Variants in ZBBX observed in about 807,000 individuals in gnomAD.
ZBBX encodes zinc finger B-box domain containing, also known as zinc finger B-box domain-containing protein 1.
In ZBBX, 101 loss-of-function variants were observed where a neutral mutation model predicts 108.5. That is an observed-to-expected ratio of 0.93 (90% CI 0.79 to 1.10). The LOEUF (loss-of-function observed/expected upper bound fraction) is 1.10. Ranked by LOEUF, ZBBX falls within the 50% of genes least tolerant of loss-of-function variation. The probability of loss-of-function intolerance (pLI) is 0.00; values close to 1 mark genes in which losing one functional copy is unlikely to be tolerated. For synonymous variants in ZBBX, 356 were observed against 323.4 expected (o/e 1.10, Z -1.08); for missense variants, 1,009 against 941.4 (o/e 1.07, Z -0.94).
the ZBBX span, among the ~76,000 whole-genome samples, chr3:167,211,933 G>A: frequency 1.3e-5 from 2 of 152,054 alleles, no homozygotes; most frequent in South Asian, 2.1e-4. Context: ...TGAGCCAACC[G>A]GAGGTGGAAG....
the ZBBX span, among the ~76,000 whole-genome samples, chr3:167,233,897 G>C: frequency 6.6e-6 from 1 of 151,750 alleles, no homozygotes; most frequent in Non-Finnish European, 1.5e-5. Context: ...AGGGGGCCCA[G>C]AGACTTCCTA....
At chr3:167,395,426 A>G (rs563532830) in intron 1 of ZBBX, among the ~76,000 whole-genome samples, 145 of 152,150 alleles carry the variant, frequency 9.5e-4, no homozygotes, top group African/African-American at 3.4e-3. Flanking sequence ...GGAGTGCCAG[A>G]GTTAGAAAAG....
intron 17 of ZBBX, among the ~76,000 whole-genome samples, chr3:167,301,643 T>C (rs938567736): frequency 4.6e-5 from 7 of 152,196 alleles, no homozygotes; most frequent in Non-Finnish European, 8.8e-5. Flanking sequence ...TTCTACCTTC[T>C]ATTTTAATTT....
intron 9 of ZBBX, among the ~76,000 whole-genome samples, chr3:167,348,285 A>AGGAAGGAAGGAAGGAG (rs1741881691): frequency 7.1e-6 from 1 of 141,448 alleles, no homozygotes; most frequent in Non-Finnish European, 1.5e-5. Context: ...GAAGGAAGGA[A>AGGAAGGAAGGAAGGAG]GGAAGGAAAG....
intron 18 of ZBBX, among the ~76,000 whole-genome samples, chr3:167,292,877 G>T (rs570868306): frequency 6.6e-6 from 1 of 152,134 alleles, no homozygotes; most frequent in South Asian, 2.1e-4. Flanking sequence ...TATCACCACC[G>T]ATCCCACAGA....
the ZBBX span, among the ~76,000 whole-genome samples, chr3:167,217,088 A>C: frequency 6.6e-6 from 1 of 152,204 alleles, no homozygotes; most frequent in African/African-American, 2.4e-5. Context: ...GAAGATGCCA[A>C]AAGCAATTGC....
the ZBBX span, among the ~76,000 whole-genome samples, chr3:167,182,280 T>C: frequency 6.6e-6 from 1 of 152,136 alleles, no homozygotes; most frequent in Non-Finnish European, 1.5e-5. Context: ...CAGGCCTTGA[T>C]ATAATCAACT....
chr3:167,222,257 C>T, the ZBBX span, among the ~76,000 whole-genome samples: 1 of 150,340 alleles, frequency 6.7e-6, no homozygotes, highest in Non-Finnish European at 1.5e-5. Flanking sequence ...TCATTTACAA[C>T]AACATGGATG....
chr3:167,273,498 G>T (rs182270819), intron 20 of ZBBX, among the ~76,000 whole-genome samples: 1 of 152,126 alleles, frequency 6.6e-6, no homozygotes, highest in African/African-American at 2.4e-5. Context: ...ATTCAGCTTC[G>T]GTCTTCTGCT....
chr3:167,404,011 T>C (rs887325401), intron 1 of ZBBX, among the ~76,000 whole-genome samples: 4 of 152,090 alleles, frequency 2.6e-5, no homozygotes, highest in African/African-American at 4.8e-5. Context: ...AAAAGCAATA[T>C]TGTCAGAGGC....
At chr3:167,187,317 G>A in the ZBBX span, among the ~76,000 whole-genome samples, 5 of 152,146 alleles carry the variant, frequency 3.3e-5, no homozygotes, top group East Asian at 1.9e-4. Flanking sequence ...GTGGTTCTAC[G>A]TGAGAATTTT....
chr3:167,378,079 TAA>T (rs949111824), intron 2 of ZBBX, among the ~76,000 whole-genome samples: 4 of 152,358 alleles, frequency 2.6e-5, no homozygotes, highest in Middle Eastern at 3.4e-3. Flanking sequence ...GCCATGATTA[TAA>T]GTTTCCTGAG....
At chr3:167,404,091 A>C (rs1748507829) in intron 1 of ZBBX, among the ~76,000 whole-genome samples, 1 of 152,124 alleles carries the variant, frequency 6.6e-6, no homozygotes, top group Non-Finnish European at 1.5e-5. Context: ...CGCAACATGG[A>C]TAGGTTGAAA....
At chr3:167,251,057 CACCAGCAGACCACTG>C (rs1320803769) in intron 20 of ZBBX, among the ~76,000 whole-genome samples, 2 of 152,182 alleles carry the variant, frequency 1.3e-5, no homozygotes, top group African/African-American at 4.8e-5. Context: ...GAAACCAGCA[CACCAGCAGACCACTG>C]ACCAGCAGGC....
At chr3:167,362,797 G>A (rs1051710893) in intron 6 of ZBBX, among the ~76,000 whole-genome samples, 3 of 151,932 alleles carry the variant, frequency 2.0e-5, no homozygotes, top group African/African-American at 7.3e-5. Flanking sequence ...GAATATTATT[G>A]TGCTATCATG....
At chr3:167,261,775 C>CAA (rs60045904) in intron 20 of ZBBX, among the ~76,000 whole-genome samples, 8 of 96,246 alleles carry the variant, frequency 8.3e-5, no homozygotes, top group Non-Finnish European at 1.2e-4. Context: ...CTCCCAACTG[C>CAA]AAAAAAAAAA....
intron 1 of ZBBX, among the ~76,000 whole-genome samples, chr3:167,407,054 A>G (rs1748606748): frequency 6.6e-6 from 1 of 152,164 alleles, no homozygotes; most frequent in Admixed American, 6.6e-5. Context: ...CTTGTTTTTC[A>G]AGTGGTCACA....
intron 1 of ZBBX, among the ~76,000 whole-genome samples, chr3:167,393,304 T>A (rs980484034): frequency 1.3e-5 from 2 of 151,900 alleles, no homozygotes; most frequent in Admixed American, 6.6e-5. Context: ...TTTAAGCCAC[T>A]ATATTTAGAT....
At chr3:167,320,281 G>C (rs1326121976) in intron 12 of ZBBX, among the ~76,000 whole-genome samples, 1 of 144,906 alleles carries the variant, frequency 6.9e-6, no homozygotes, top group Non-Finnish European at 1.5e-5. Flanking sequence ...CAAATCAAAA[G>C]GATGGAAGAG....
Sources: gnomAD v4.1 joint callset for allele counts (sites outside exome capture counted in the v4.1 genomes callset) on GRCh38, gnomAD v4.1.1 for gene constraint, MANE v1.5 for transcripts, NCBI Gene and HGNC (gene_info 2026-07-23, HGNC 2026-07-21) for gene names.